The following ZNF804A variants were observed in gnomAD, a reference collection of about 807,000 sequenced individuals.
The protein encoded by ZNF804A is zinc finger protein 804A.
In ZNF804A, 2 loss-of-function variants were observed where a neutral mutation model predicts 16.5. The ratio of observed to expected loss-of-function variants is 0.12; its 90% CI spans 0.05 to 0.38. ZNF804A has a LOEUF of 0.38. Among genes scored for constraint, ZNF804A ranks in the 10% least tolerant of loss-of-function variants. The probability of loss-of-function intolerance (pLI) is 0.99; values close to 1 mark genes in which losing one functional copy is unlikely to be tolerated. For missense variants in ZNF804A, 1,473 were observed against 1,390.7 expected (o/e 1.06, Z -0.94); for synonymous variants, 534 against 489.6 (o/e 1.09, Z -1.20).
intron 1 of ZNF804A, among the ~76,000 whole-genome samples, chr2:184,769,134 CT>C (rs1483515322): frequency 6.6e-6 from 1 of 152,092 alleles, no homozygotes; most frequent in Non-Finnish European, 1.5e-5. Context: ...TTCACAGCCA[CT>C]TACTGCTCCT....
intron 2 of ZNF804A, among the ~76,000 whole-genome samples, chr2:184,905,724 G>A (rs1301281959): frequency 6.6e-6 from 1 of 152,148 alleles, no homozygotes; most frequent in Admixed American, 6.5e-5. Context: ...CTACAGGCAT[G>A]TTTCCATCTA....
chr2:184,860,246 C>T (rs753901678), intron 1 of ZNF804A, among the ~76,000 whole-genome samples: 23 of 152,154 alleles, frequency 1.5e-4, no homozygotes, highest in Non-Finnish European at 2.5e-4. Flanking sequence ...GGCCTAGAGG[C>T]TTGGTCTGTG....
intron 1 of ZNF804A, among the ~76,000 whole-genome samples, chr2:184,822,090 C>T (rs1305203883): frequency 1.3e-5 from 2 of 152,028 alleles, no homozygotes; most frequent in East Asian, 1.9e-4. Context: ...ATAAATCATA[C>T]TTCGGTAAAG....
At chr2:184,753,764 G>T (rs1308916160) in intron 1 of ZNF804A, among the ~76,000 whole-genome samples, 2 of 151,804 alleles carry the variant, frequency 1.3e-5, no homozygotes, top group Non-Finnish European at 2.9e-5. Context: ...ATTTCTAAAG[G>T]TGAGATTATC....
At chr2:184,725,379 C>A (rs1306628374) in intron 1 of ZNF804A, among the ~76,000 whole-genome samples, 1 of 151,570 alleles carries the variant, frequency 6.6e-6, no homozygotes, top group Non-Finnish European at 1.5e-5. Context: ...GCAATGTTAT[C>A]TTTAACTATG....
chr2:184,769,207 G>A (rs1694175393), intron 1 of ZNF804A, among the ~76,000 whole-genome samples: 1 of 151,992 alleles, frequency 6.6e-6, no homozygotes, highest in Non-Finnish European at 1.5e-5. Flanking sequence ...TCTTGGCAAA[G>A]CTCTGTCTGC....
chr2:184,939,270 A>C lies in ZNF804A; in HGVS notation c.*244A>C. 2.4e-6 allele frequency: 1 copy of C among 411,516 alleles called. No homozygotes were observed. The highest frequency in any genetic ancestry group is 4.7e-5 in the South Asian group (1 of 21,058). The allele number at this position is 411,516 out of a possible 1,614,324, so 25.5% of individuals were successfully genotyped here. A position where few individuals can be genotyped will look rare whatever the true frequency, so the allele number is the denominator to read the frequency against. ...AATACAATATATGCTATATATTAAA[A>C]TGATGTCTTAAGAGTATGTATAATG... On this transcript the variant is annotated 3_prime_UTR_variant, in exon 4 of 4. Transcript: ENST00000302277.
At chr2:184,606,888 T>C (rs534288815) in intron 1 of ZNF804A, among the ~76,000 whole-genome samples, 2 of 152,246 alleles carry the variant, frequency 1.3e-5, no homozygotes, top group Admixed American at 1.3e-4. Flanking sequence ...ATTGTTCCTA[T>C]GTTTCTGGAG....
chr2:184,613,197 T>G (rs1402726021), intron 1 of ZNF804A, among the ~76,000 whole-genome samples: 1 of 152,204 alleles, frequency 6.6e-6, no homozygotes, highest in Admixed American at 6.5e-5. Context: ...AAGGGCAATA[T>G]CTATTCACAG....
At chr2:184,748,143 T>C (rs1470123181) in intron 1 of ZNF804A, among the ~76,000 whole-genome samples, 4 of 151,510 alleles carry the variant, frequency 2.6e-5, no homozygotes, top group Non-Finnish European at 4.4e-5. Context: ...ATATACCCAA[T>C]AATAGGATTG....
chr2:184,669,468 G>A (rs759713482), intron 1 of ZNF804A, among the ~76,000 whole-genome samples: 9 of 151,970 alleles, frequency 5.9e-5, no homozygotes, highest in Admixed American at 2.6e-4. Flanking sequence ...TTAATAATAC[G>A]TATTTCTTAA....
chr2:184,603,019 A>G (rs1258608967), intron 1 of ZNF804A, among the ~76,000 whole-genome samples: 1 of 152,044 alleles, frequency 6.6e-6, no homozygotes, highest in Non-Finnish European at 1.5e-5. Context: ...TTGTTTTACT[A>G]CTCATCCTCC....
chr2:184,776,227 C>T (rs1415974321), intron 1 of ZNF804A, among the ~76,000 whole-genome samples: 1 of 151,110 alleles, frequency 6.6e-6, no homozygotes, highest in Non-Finnish European at 1.5e-5. Flanking sequence ...TTAGAAAGTT[C>T]CTGATGGCTA....
chr2:184,623,796 A>G (rs1321704813), intron 1 of ZNF804A, among the ~76,000 whole-genome samples: 3 of 152,134 alleles, frequency 2.0e-5, no homozygotes, highest in Non-Finnish European at 4.4e-5. Flanking sequence ...CCCCACATGC[A>G]ATATATGGCA....
At chr2:184,775,459 T>C (rs1694271998) in intron 1 of ZNF804A, among the ~76,000 whole-genome samples, 1 of 151,696 alleles carries the variant, frequency 6.6e-6, no homozygotes, top group African/African-American at 2.4e-5. Flanking sequence ...AGCTGTCTGC[T>C]ATGAAATTAT....
chr2:184,888,962 G>GA (rs567609287), intron 2 of ZNF804A, among the ~76,000 whole-genome samples: 29 of 147,716 alleles, frequency 2.0e-4, no homozygotes, highest in South Asian at 6.5e-4. Context: ...TTTGTGATCT[G>GA]AAAAAAAAAC....
chr2:184,676,656 T>C (rs1692441115), intron 1 of ZNF804A, among the ~76,000 whole-genome samples: 1 of 151,714 alleles, frequency 6.6e-6, no homozygotes, highest in Non-Finnish European at 1.5e-5. Flanking sequence ...CTGAAAGCTG[T>C]TTGTAGCACT....
At chr2:184,636,668 T>C (rs755482422) in intron 1 of ZNF804A, among the ~76,000 whole-genome samples, 4 of 151,982 alleles carry the variant, frequency 2.6e-5, no homozygotes, top group Non-Finnish European at 5.9e-5. Context: ...TTTTTCTTTA[T>C]TATTTGTCCT....
intron 1 of ZNF804A, among the ~76,000 whole-genome samples, chr2:184,854,718 G>A (rs925846253): frequency 5.3e-5 from 8 of 152,126 alleles, no homozygotes; most frequent in African/African-American, 1.7e-4. Flanking sequence ...TATAATGAAA[G>A]TGATCAACAG....
Sources: gnomAD v4.1 joint callset for allele counts (sites outside exome capture counted in the v4.1 genomes callset) on GRCh38, gnomAD v4.1.1 for gene constraint, MANE v1.5 for transcripts, NCBI Gene and HGNC (gene_info 2026-07-23, HGNC 2026-07-21) for gene names.